The following DDB2 variants were observed in gnomAD, a reference collection of about 807,000 sequenced individuals.
The protein encoded by DDB2 is DNA damage-binding protein 2.
DDB2 carries 27 observed loss-of-function variants against 50.5 expected under a neutral mutation model. The ratio of observed to expected loss-of-function variants is 0.53; its 90% confidence interval spans 0.39 to 0.74. The LOEUF (loss-of-function observed/expected upper bound fraction) is 0.74, where lower values mean the gene tolerates loss of function less well. Ranked by LOEUF, DDB2 falls within the 30% of genes least tolerant of loss-of-function variation. The pLI is 0.00. For synonymous variants in DDB2, 176 were observed against 205.5 expected, an observed-to-expected ratio of 0.86 and a Z score of 1.23; for missense variants, 424 against 545.6, an observed-to-expected ratio of 0.78 and a Z score of 2.22.
At chr11:47,223,960 A>T (rs1329951298) in intron 3 of DDB2, among the ~76,000 whole-genome samples, 2 of 152,060 alleles carry the variant, frequency 1.3e-5, no homozygotes, top group Non-Finnish European at 2.9e-5. Flanking sequence ...CTTAAAAATT[A>T]GCTAGTGGCT....
At chr11:47,233,316 G>A (rs899689596) in intron 4 of DDB2, 7 of 374,040 alleles carry the variant, frequency 1.9e-5, no homozygotes, top group Non-Finnish European at 3.6e-5. Context: ...ACTCACTGTG[G>A]TGTAATGACC....
At chr11:47,218,135 G>A (rs992438025) in intron 3 of DDB2, among the ~76,000 whole-genome samples, 4 of 152,068 alleles carry the variant, frequency 2.6e-5, no homozygotes, top group Admixed American at 1.3e-4. Flanking sequence ...TACTCATAAC[G>A]TAGATCCCAC....
At chr11:47,218,001 G>C (rs749772795) in intron 3 of DDB2, among the ~76,000 whole-genome samples, 18 of 152,146 alleles carry the variant, frequency 1.2e-4, no homozygotes, top group Non-Finnish European at 2.1e-4. Context: ...CTGAAACCGG[G>C]TCTCTGTAAT....
At chr11:47,222,025 A>G (rs1256385902) in intron 3 of DDB2, among the ~76,000 whole-genome samples, 2 of 152,216 alleles carry the variant, frequency 1.3e-5, no homozygotes, top group Non-Finnish European at 2.9e-5. Flanking sequence ...GTACAATTCC[A>G]TGAGTTTTGA....
rs4647750 is a variant in DDB2, at chr11:47,234,614, T to C, written c.644T>C (p.Met215Thr). 2.4e-4 allele frequency: 395 copies of C among 1,614,102 alleles called. 1 individual carries two copies. In the African/African-American group the frequency reaches 4.4e-3, roughly 18 times the overall value. Reference sequence around the variant, plus strand: ...CTGGATGTGTCTGCTAGTAGCCGAATGGTGGTCACAGGAGACAACGTGGGG... The same window carrying C: ...CTGGATGTGTCTGCTAGTAGCCGAACGGTGGTCACAGGAGACAACGTGGGG... ...CSLDVSASSR[M>T]VVTGDNVGNV... The change falls in exon 5 of 10, where the codon ATG becomes ACG. Residue 215 changes from methionine to threonine, a missense_variant. Transcript: ENST00000256996.
chr11:47,216,526 T>C (rs1953402972), intron 2 of DDB2, 54 bp downstream of exon 2: 1 of 1,609,068 alleles, frequency 6.2e-7, no homozygotes, highest in African/African-American at 1.3e-5. Context: ...ATTTTTACTA[T>C]TGCATGCTCC....
intron 1 of DDB2, 68 bp from the exon 2 acceptor site, chr11:47,216,268 T>C (rs774817566): frequency 6.2e-7 from 1 of 1,612,600 alleles, no homozygotes; most frequent in Non-Finnish European, 8.5e-7. Flanking sequence ...AAGGCTTCCT[T>C]TCGGGGAATT....
chr11:47,231,587 G>A (rs1216293862), intron 3 of DDB2, among the ~76,000 whole-genome samples: 2 of 151,968 alleles, frequency 1.3e-5, no homozygotes, highest in East Asian at 1.9e-4. Context: ...GCAGTGATTC[G>A]ATCGCAACTC....
At chr11:47,228,947 A>C in intron 3 of DDB2, among the ~76,000 whole-genome samples, 2 of 114,424 alleles carry the variant, frequency 1.7e-5, no homozygotes, top group Admixed American at 1.2e-4. Context: ...ACAGAGTGAG[A>C]CTCCATCTCA....
At chr11:47,237,273 G>A (rs1953738210) in intron 7 of DDB2, among the ~76,000 whole-genome samples, 1 of 152,248 alleles carries the variant, frequency 6.6e-6, no homozygotes, top group Admixed American at 6.5e-5. Flanking sequence ...CTTAGGAAAT[G>A]CAAATGAGGG....
chr11:47,238,751 A>G, intron 9 of DDB2, 49 bp from the exon 10 acceptor site: 1 of 1,604,206 alleles, frequency 6.2e-7, no homozygotes, highest in Non-Finnish European at 8.5e-7. Flanking sequence ...CCAGGCTCTG[A>G]GAGATTGGTA....
chr11:47,227,255 C>T (rs1204248111), intron 3 of DDB2, among the ~76,000 whole-genome samples: 7 of 148,974 alleles, frequency 4.7e-5, no homozygotes, highest in Admixed American at 2.0e-4. Flanking sequence ...TACAGGCATG[C>T]GCCACCATGC....
chr11:47,235,156 G>T (rs114620783), intron 6 of DDB2, 114 bp from the exon 7 acceptor site: 3 of 1,470,706 alleles, frequency 2.0e-6, no homozygotes, highest in Non-Finnish European at 2.9e-6. Context: ...CTTCCTTTCC[G>T]CTCCTGTCTA....
intron 3 of DDB2, among the ~76,000 whole-genome samples, chr11:47,222,418 A>C (rs2099528525): frequency 6.6e-6 from 1 of 152,062 alleles, no homozygotes; most frequent in Admixed American, 6.6e-5. Context: ...ATCATGGTTC[A>C]GCATAGCCTC....
At position 47,215,176 on chromosome 11, in the gene DDB2, G is replaced by A; in HGVS notation, c.40G>A (p.Glu14Lys). The A allele has an allele frequency of 6.2e-7, 1 of 1,614,122 alleles. No homozygotes were observed. Among genetic ancestry groups the A allele is most frequent in the Non-Finnish European group, 8.5e-7 (1 of 1,180,044 alleles). Residue 14 changes from glutamate (E) to lysine (K), a missense_variant, in exon 1 of 10, where the codon GAG (glutamate) becomes AAG (lysine). Physicochemically the swap from Glu to Lys is moderately conservative, Grantham distance 56 (BLOSUM62 1). Coordinates refer to ENST00000256996, the MANE Select transcript of DDB2 (RefSeq NM_000107.3). ...ACGCCCAGAAACCCAGAAGACCTCC[G>A]AGATTGTATTACGCCCCAGGAACAA... ...KKRPETQKTS[E>K]IVLRPRNKRS...
intron 7 of DDB2, 97 bp from the exon 8 acceptor site, chr11:47,237,739 GA>G: frequency 7.5e-7 from 1 of 1,325,436 alleles, no homozygotes; most frequent in South Asian, 1.2e-5. Flanking sequence ...TCAGCCCAAA[GA>G]ATACTTTTGA....
chr11:47,217,274 G>T, intron 3 of DDB2: 2 of 424,084 alleles, frequency 4.7e-6, no homozygotes, highest in Non-Finnish European at 8.9e-6. Context: ...TACTCAGGAG[G>T]CTGAGGCAGG....
chr11:47,237,590 C>T (rs973419368), intron 7 of DDB2: 1 of 441,036 alleles, frequency 2.3e-6, no homozygotes. Context: ...ACCACCACGC[C>T]CAGCTAATTT....
chr11:47,234,530 A>C, intron 4 of DDB2, 43 bp from the exon 5 acceptor site: 1 of 1,535,214 alleles, frequency 6.5e-7, no homozygotes, highest in Non-Finnish European at 9.0e-7. Flanking sequence ...AAATAGGACT[A>C]TCTCTGTCCC....
Sources: gnomAD v4.1 joint callset for allele counts (sites outside exome capture counted in the v4.1 genomes callset) on GRCh38, gnomAD v4.1.1 for gene constraint, MANE v1.5 for transcripts, NCBI Gene and HGNC (gene_info 2026-07-23, HGNC 2026-07-21) for gene names.